The following CADM2 variants were observed in gnomAD, a reference collection of about 807,000 sequenced individuals.
CADM2 encodes the protein immunoglobulin superfamily member 4D.
A neutral mutation model predicts 49.8 loss-of-function variants in CADM2; 12 were observed. The ratio of observed to expected loss-of-function variants is 0.24; its 90% CI spans 0.15 to 0.39. CADM2 has a LOEUF of 0.39. Ranked by LOEUF, CADM2 falls within the 10% of genes least tolerant of loss-of-function variation. The probability of loss-of-function intolerance (pLI) is 1.00; values close to 1 mark genes in which losing one functional copy is unlikely to be tolerated. For synonymous variants in CADM2, 214 were observed against 175.4 expected (o/e 1.22, Z -1.74); for missense variants, 378 against 492.3 (o/e 0.77, Z 2.20).
intron 1 of CADM2, among the ~76,000 whole-genome samples, chr3:85,242,457 T>A (rs568204555): frequency 6.6e-6 from 1 of 151,820 alleles, no homozygotes; most frequent in Non-Finnish European, 1.5e-5. Context: ...AATGTTTTTT[T>A]ACTGCTTCAA....
At chr3:85,878,945 G>A (rs1712333101) in intron 3 of CADM2, among the ~76,000 whole-genome samples, 1 of 151,720 alleles carries the variant, frequency 6.6e-6, no homozygotes, top group South Asian at 2.1e-4. Flanking sequence ...ATCACAGCAG[G>A]AATTTGAGAT....
chr3:85,409,962 A>C (rs2035581366), intron 1 of CADM2, among the ~76,000 whole-genome samples: 1 of 152,146 alleles, frequency 6.6e-6, no homozygotes, highest in Admixed American at 6.5e-5. Flanking sequence ...TTACATTCAA[A>C]TTCTGCCTTA....
At chr3:84,992,383 T>C (rs1430641701) in intron 1 of CADM2, among the ~76,000 whole-genome samples, 1 of 152,140 alleles carries the variant, frequency 6.6e-6, no homozygotes, top group African/African-American at 2.4e-5. Flanking sequence ...ACAATGCTAG[T>C]ACTTTGGCAA....
chr3:86,035,526 G>A (rs746236880), intron 8 of CADM2, among the ~76,000 whole-genome samples: 2 of 151,928 alleles, frequency 1.3e-5, no homozygotes, highest in Non-Finnish European at 2.9e-5. Context: ...AAATAAGAAC[G>A]CATATATAGT....
chr3:85,174,377 CA>C (rs1358699288), intron 1 of CADM2, among the ~76,000 whole-genome samples: 1 of 151,896 alleles, frequency 6.6e-6, no homozygotes, highest in Non-Finnish European at 1.5e-5. Flanking sequence ...GAAAAACCCC[CA>C]GAAAATTGAG....
chr3:85,026,585 A>T (rs1043306616), intron 1 of CADM2, among the ~76,000 whole-genome samples: 2 of 152,150 alleles, frequency 1.3e-5, no homozygotes, highest in Non-Finnish European at 2.9e-5. Flanking sequence ...ACCAATACAC[A>T]TGATTTAGTA....
chr3:86,048,607 C>G (rs1328789792), intron 8 of CADM2, among the ~76,000 whole-genome samples: 1 of 151,986 alleles, frequency 6.6e-6, no homozygotes, highest in Non-Finnish European at 1.5e-5. Flanking sequence ...ATAATCCTAT[C>G]AATAATTTAT....
intron 3 of CADM2, among the ~76,000 whole-genome samples, chr3:85,809,323 G>T (rs887638728): frequency 5.9e-5 from 9 of 152,078 alleles, no homozygotes; most frequent in Non-Finnish European, 1.3e-4. Flanking sequence ...AGGTGAGGTG[G>T]CTCACACCTG....
intron 5 of CADM2, among the ~76,000 whole-genome samples, chr3:85,908,541 T>C (rs1717120750): frequency 6.6e-6 from 1 of 152,030 alleles, no homozygotes; most frequent in Non-Finnish European, 1.5e-5. Flanking sequence ...GGAATTTTTC[T>C]TTAGGTATAT....
chr3:85,683,626 T>C (rs2066103346), intron 1 of CADM2, among the ~76,000 whole-genome samples: 1 of 152,212 alleles, frequency 6.6e-6, no homozygotes, highest in Admixed American at 6.5e-5. Context: ...AAGTTCTTTT[T>C]GCTGAATAAT....
At chr3:85,988,503 C>T (rs896223376) in intron 8 of CADM2, among the ~76,000 whole-genome samples, 31 of 151,904 alleles carry the variant, frequency 2.0e-4, no homozygotes, top group South Asian at 2.1e-4. Context: ...TTGAGAAAAA[C>T]GACTAAGAAA....
chr3:85,588,420 A>T (rs1390520912), intron 1 of CADM2, among the ~76,000 whole-genome samples: 1 of 152,154 alleles, frequency 6.6e-6, no homozygotes, highest in East Asian at 1.9e-4. Flanking sequence ...AGTGTTGCAA[A>T]AGGGAGGAAT....
chr3:85,129,680 A>G (rs1017490908), intron 1 of CADM2, among the ~76,000 whole-genome samples: 1 of 152,206 alleles, frequency 6.6e-6, no homozygotes, highest in Admixed American at 6.5e-5. Context: ...TCCCAGATCA[A>G]TTAATAATTC....
At chr3:85,666,455 G>A (rs2065572083) in intron 1 of CADM2, among the ~76,000 whole-genome samples, 1 of 151,742 alleles carries the variant, frequency 6.6e-6, no homozygotes, top group African/African-American at 2.4e-5. Flanking sequence ...CTCATCACAA[G>A]GTTTGTGGCT....
chr3:85,186,208 T>C (rs1369816662), intron 1 of CADM2, among the ~76,000 whole-genome samples: 1 of 152,174 alleles, frequency 6.6e-6, no homozygotes, highest in Non-Finnish European at 1.5e-5. Flanking sequence ...TTTTCTTGCC[T>C]TTCAGGGTGG....
intron 1 of CADM2, among the ~76,000 whole-genome samples, chr3:85,369,267 C>T (rs1391799675): frequency 6.6e-6 from 1 of 152,166 alleles, no homozygotes; most frequent in Non-Finnish European, 1.5e-5. Context: ...TATTTTTGCA[C>T]ACACAATCAT....
At chr3:85,599,290 A>G (rs1474172203) in intron 1 of CADM2, among the ~76,000 whole-genome samples, 1 of 152,016 alleles carries the variant, frequency 6.6e-6, no homozygotes, top group African/African-American at 2.4e-5. Context: ...GAAGGCCACT[A>G]TTAGGTCTTG....
At chr3:85,162,036 AAG>A (rs1160425693) in intron 1 of CADM2, among the ~76,000 whole-genome samples, 2 of 152,090 alleles carry the variant, frequency 1.3e-5, no homozygotes, top group African/African-American at 4.8e-5. Context: ...GAAAGAAAGA[AAG>A]AAAAAACAAG....
intron 1 of CADM2, among the ~76,000 whole-genome samples, chr3:85,484,574 G>T (rs1208293486): frequency 2.0e-5 from 3 of 151,826 alleles, no homozygotes; most frequent in African/African-American, 7.2e-5. Context: ...CCAGATATGT[G>T]CCATGACAAT....
Sources: gnomAD v4.1 joint callset for allele counts (sites outside exome capture counted in the v4.1 genomes callset) on GRCh38, gnomAD v4.1.1 for gene constraint, MANE v1.5 for transcripts, NCBI Gene and HGNC (gene_info 2026-07-23, HGNC 2026-07-21) for gene names.